NEK1: variants seen among roughly 807,000 people sequenced by gnomAD.
The protein encoded by NEK1 is serine/threonine-protein kinase Nek1.
In NEK1, 137 loss-of-function variants were observed where a neutral mutation model predicts 182.1. That is an observed-to-expected ratio of 0.75 (90% CI 0.65 to 0.87). The LOEUF is 0.87. Ranked by LOEUF, NEK1 falls within the 40% of genes least tolerant of loss-of-function variation. The pLI is 0.00. For missense variants in NEK1, 1,391 were observed against 1,494.4 expected, an observed-to-expected ratio of 0.93 and a Z score of 1.14; for synonymous variants, 513 against 492.2, an observed-to-expected ratio of 1.04 and a Z score of -0.56.
At chr4:169,604,574 G>A (rs962073912) in intron 2 of NEK1, among the ~76,000 whole-genome samples, 17 of 152,212 alleles carry the variant, frequency 1.1e-4, no homozygotes, top group Admixed American at 2.6e-4. Context: ...AAATTTCTGT[G>A]GCAGTTTACC....
chr4:169,567,347 G>A (rs1214498106), intron 12 of NEK1, among the ~76,000 whole-genome samples: 1 of 151,430 alleles, frequency 6.6e-6, no homozygotes. Flanking sequence ...GCAGTTCTGT[G>A]GCATTAAATA....
At chr4:169,431,174 A>C (rs4692727) in intron 29 of NEK1, among the ~76,000 whole-genome samples, 124,181 of 151,824 alleles carry the variant, frequency 0.82, 51,888 homozygotes, top group South Asian at 0.92. Context: ...GCAGATTGGG[A>C]AAATATAAAT....
At chr4:169,414,534 TA>T (rs905476305) in intron 31 of NEK1, among the ~76,000 whole-genome samples, 5 of 152,222 alleles carry the variant, frequency 3.3e-5, no homozygotes, top group African/African-American at 1.2e-4. Flanking sequence ...GCATTATTAA[TA>T]TTTTTAGTGG....
At position 169,602,586 on chromosome 4, in the gene NEK1, A is replaced by C; in HGVS notation, c.45T>G (p.Phe15Leu). 6.2e-7 allele frequency: 1 copy of C among 1,610,186 alleles called. No homozygotes were observed. The highest frequency in any genetic ancestry group is 8.5e-7 in the Non-Finnish European group (1 of 1,176,870). ...VRLQKIGEGS[F>L]GKAILVKSTE... is the part of the protein sequence containing the mutation. ...TAGATTTAACAAGAATGGCTTTTCC[A>C]AATGAACCTTCTCCAATCTTCTGTA... Residue 15 changes from phenylalanine (F) to leucine (L), a missense_variant, in exon 3 of 36, where the codon TTT (phenylalanine) becomes TTG (leucine). This residue lies in a region of NEK1 where 42 missense variants were observed against 47.9 expected (regional missense o/e 0.88). Transcript: ENST00000507142.
chr4:169,441,261 C>A lies in NEK1; in HGVS notation c.2588-3002G>T, dbSNP rs533616898. Among the ~76,000 whole-genome samples, 8 of 152,350 alleles carry A rather than the reference C, an allele frequency of 5.3e-5. 1 individual carries two copies. In the South Asian group the frequency reaches 1.0e-3, roughly 20 times the overall value. On this transcript the variant is annotated intron_variant, in intron 27 of 35. Coordinates refer to ENST00000507142, the MANE Select transcript of NEK1 (RefSeq NM_001199397.3). ...CTGGGTGAATGTGCACTTGTGTGCA[C>A]CTTCAGGAGCAAGGAGATAGGCATG...
intron 28 of NEK1, among the ~76,000 whole-genome samples, chr4:169,435,100 G>T (rs989302942): frequency 2.6e-5 from 4 of 152,148 alleles, no homozygotes; most frequent in African/African-American, 9.7e-5. Context: ...TCATAGACTG[G>T]GTGGTGTAAA....
Position 169,477,515 on chromosome 4 carries a change from T to C in NEK1, c.2140-18A>G. 3.2e-6 allele frequency: 5 copies of C among 1,559,670 alleles called. No homozygotes were observed. Among genetic ancestry groups the C allele is most frequent in the Non-Finnish European group, 4.4e-6 (5 of 1,141,288 alleles). On this transcript the variant is annotated intron_variant, in intron 24 of 35. Transcript: ENST00000507142. ...CTACTGTCCTTTAAATGCAGATAGATACAGAGGAAGAGATAATTTTATTTT... is the reference window on the plus strand; with the variant it reads ...CTACTGTCCTTTAAATGCAGATAGACACAGAGGAAGAGATAATTTTATTTT...
chr4:169,514,380 A>C (rs942109302), intron 19 of NEK1, among the ~76,000 whole-genome samples: 1 of 152,198 alleles, frequency 6.6e-6, no homozygotes, highest in Non-Finnish European at 1.5e-5. Flanking sequence ...ATACAGTCTC[A>C]AAATGAGTTG....
chr4:169,608,399 A>G (rs1308164331), intron 2 of NEK1, among the ~76,000 whole-genome samples: 1 of 152,216 alleles, frequency 6.6e-6, no homozygotes. Flanking sequence ...TGGGGAAAAA[A>G]AGTTAATTTA....
intron 2 of NEK1, among the ~76,000 whole-genome samples, chr4:169,603,636 G>T (rs1321131850): frequency 6.6e-6 from 1 of 151,374 alleles, no homozygotes; most frequent in Non-Finnish European, 1.5e-5. Context: ...GGGGAAAATG[G>T]TGTTTCGTTT....
chr4:169,397,208 A>T (rs1265956043), intron 35 of NEK1, among the ~76,000 whole-genome samples: 2 of 150,336 alleles, frequency 1.3e-5, no homozygotes, highest in Non-Finnish European at 3.0e-5. Context: ...TGGGTGACAG[A>T]GCAAGGCCCT....
At chr4:169,459,197 C>T (rs1743486957) in intron 27 of NEK1, among the ~76,000 whole-genome samples, 1 of 152,006 alleles carries the variant, frequency 6.6e-6, no homozygotes, top group Admixed American at 6.6e-5. Flanking sequence ...ATAAAGTACC[C>T]AATTTAAAAA....
intron 18 of NEK1, among the ~76,000 whole-genome samples, chr4:169,549,509 GC>G (rs1195310519): frequency 5.9e-5 from 9 of 152,186 alleles, no homozygotes; most frequent in Admixed American, 3.3e-4. Context: ...TGCAACCTCT[GC>G]CTCCTGGGTT....
intron 27 of NEK1, among the ~76,000 whole-genome samples, chr4:169,448,812 T>C (rs542351787): frequency 2.6e-5 from 4 of 152,282 alleles, no homozygotes; most frequent in South Asian, 2.1e-4. Context: ...GGTTGGACAG[T>C]GGGTGCAGCC....
chr4:169,466,161 C>T (rs1218136226), intron 26 of NEK1, among the ~76,000 whole-genome samples: 1 of 151,856 alleles, frequency 6.6e-6, no homozygotes, highest in African/African-American at 2.4e-5. Context: ...TTAATAAGAT[C>T]CACACTGAAC....
At chr4:169,411,437 G>C (rs4580620) in intron 31 of NEK1, among the ~76,000 whole-genome samples, 54,771 of 151,544 alleles carry the variant, frequency 0.36, 10,436 homozygotes, top group African/African-American at 0.48. Flanking sequence ...AGCGACTTTC[G>C]GGCCTCAGCC....
At chr4:169,536,431 G>A (rs113840686) in intron 19 of NEK1, among the ~76,000 whole-genome samples, 1 of 151,868 alleles carries the variant, frequency 6.6e-6, no homozygotes, top group African/African-American at 2.4e-5. Context: ...CTTAGTTCTT[G>A]TCAGAAACAG....
At chr4:169,421,708 G>A (rs1735513919) in intron 31 of NEK1, among the ~76,000 whole-genome samples, 1 of 152,142 alleles carries the variant, frequency 6.6e-6, no homozygotes, top group African/African-American at 2.4e-5. Flanking sequence ...CCCCAGCCAT[G>A]CGGAACTGTA....
intron 18 of NEK1, among the ~76,000 whole-genome samples, chr4:169,543,546 G>C (rs569806072): frequency 1.4e-4 from 22 of 152,238 alleles, no homozygotes; most frequent in African/African-American, 4.1e-4. Context: ...GCTTGATGGG[G>C]ATAGCATTGA....
Sources: allele counts gnomAD v4.1 joint callset (sites outside exome capture counted in the v4.1 genomes callset), GRCh38; gene constraint gnomAD v4.1.1; regional missense constraint gnomAD v4.1.1; transcripts MANE v1.5; gene names NCBI Gene and HGNC (gene_info 2026-07-23, HGNC 2026-07-21).